LINGO2: variants seen among roughly 807,000 people sequenced by gnomAD.
LINGO2 encodes leucine rich repeat and Ig domain containing 2.
In LINGO2, 14 loss-of-function variants were observed where a neutral mutation model predicts 30.6. The ratio of observed to expected loss-of-function variants is 0.46; its 90% CI spans 0.30 to 0.72. LINGO2 has a LOEUF of 0.72. Among genes scored for constraint, LINGO2 ranks in the 30% least tolerant of loss-of-function variants. The pLI, the probability that LINGO2 is intolerant of heterozygous loss-of-function variation, is 0.07. For missense variants in LINGO2, 729 were observed against 751.7 expected (o/e 0.97, Z 0.35); for synonymous variants, 317 against 288.5 (o/e 1.10, Z -1.00).
intron 4 of LINGO2, among the ~76,000 whole-genome samples, chr9:28,041,471 A>C (rs903618426): frequency 5.3e-5 from 8 of 152,128 alleles, no homozygotes; most frequent in African/African-American, 1.7e-4. Flanking sequence ...TGTAGAATAT[A>C]GAGGGGTGCT....
intron 3 of LINGO2, among the ~76,000 whole-genome samples, chr9:28,339,513 C>A (rs571807985): frequency 2.6e-5 from 4 of 152,142 alleles, no homozygotes; most frequent in Admixed American, 2.0e-4. Flanking sequence ...TTCAGAGTTG[C>A]CTAAGTCCAG....
intron 4 of LINGO2, among the ~76,000 whole-genome samples, chr9:28,032,093 T>TG (rs984537509): frequency 6.6e-6 from 1 of 150,628 alleles, no homozygotes; most frequent in Non-Finnish European, 1.5e-5. Context: ...ACCGCAGAGC[T>TG]GGGGGGAAAA....
chr9:28,881,291 T>G, the LINGO2 span, among the ~76,000 whole-genome samples: 11 of 152,110 alleles, frequency 7.2e-5, no homozygotes, highest in South Asian at 2.3e-3. Flanking sequence ...GCCTGGCTAA[T>G]TTTTGTATTT....
At chr9:28,579,061 CTTT>C (rs34468047) in intron 1 of LINGO2, among the ~76,000 whole-genome samples, 10 of 150,136 alleles carry the variant, frequency 6.7e-5, no homozygotes, top group African/African-American at 1.5e-4. Context: ...CATAAGAGCT[CTTT>C]TTTTTTTGTT....
At chr9:28,553,870 G>A (rs1035020724) in intron 1 of LINGO2, among the ~76,000 whole-genome samples, 25 of 151,866 alleles carry the variant, frequency 1.6e-4, no homozygotes, top group African/African-American at 2.4e-4. Flanking sequence ...AAGAATTTTC[G>A]ACCCAGAATT....
intron 4 of LINGO2, among the ~76,000 whole-genome samples, chr9:28,134,521 TG>T (rs1206435326): frequency 6.6e-6 from 1 of 152,176 alleles, no homozygotes; most frequent in African/African-American, 2.4e-5. Flanking sequence ...CAGAGCCACC[TG>T]GGAGGAAGGG....
intron 2 of LINGO2, among the ~76,000 whole-genome samples, chr9:28,412,663 T>G (rs1822815178): frequency 6.6e-6 from 1 of 152,086 alleles, no homozygotes; most frequent in African/African-American, 2.4e-5. Flanking sequence ...AATAGCTCCT[T>G]GGATTTTTAA....
At chr9:28,999,170 T>C in the LINGO2 span, among the ~76,000 whole-genome samples, 2 of 152,130 alleles carry the variant, frequency 1.3e-5, no homozygotes, top group African/African-American at 2.4e-5. Flanking sequence ...GTTGTCAGTG[T>C]ACACATGGTT....
At chr9:28,055,185 ATTT>A (rs1045499704) in intron 4 of LINGO2, among the ~76,000 whole-genome samples, 6 of 152,122 alleles carry the variant, frequency 3.9e-5, no homozygotes, top group African/African-American at 1.2e-4. Flanking sequence ...AATTGGCTTA[ATTT>A]TTTAAGTTTC....
the LINGO2 span, among the ~76,000 whole-genome samples, chr9:28,991,387 G>A: frequency 1.3e-5 from 2 of 151,470 alleles, no homozygotes; most frequent in East Asian, 1.9e-4. Flanking sequence ...ATCTACGTCT[G>A]ATTGGTGTAC....
chr9:29,057,884 G>A, the LINGO2 span, among the ~76,000 whole-genome samples: 1 of 152,002 alleles, frequency 6.6e-6, no homozygotes, highest in Non-Finnish European at 1.5e-5. Flanking sequence ...AACCTAGAAA[G>A]GCCACGCCTA....
At chr9:29,151,037 A>C in the LINGO2 span, among the ~76,000 whole-genome samples, 1 of 152,136 alleles carries the variant, frequency 6.6e-6, no homozygotes, top group Non-Finnish European at 1.5e-5. Context: ...TTACAAAGTG[A>C]GTCCCATCAG....
chr9:28,540,258 G>A (rs1390608867), intron 1 of LINGO2, among the ~76,000 whole-genome samples: 2 of 136,958 alleles, frequency 1.5e-5, no homozygotes, highest in African/African-American at 5.4e-5. Flanking sequence ...CTCTCTTTCT[G>A]TCTCTCTCTC....
chr9:28,525,523 G>A (rs1820988585), intron 1 of LINGO2, among the ~76,000 whole-genome samples: 1 of 152,150 alleles, frequency 6.6e-6, no homozygotes, highest in Non-Finnish European at 1.5e-5. Context: ...CAATATGGAT[G>A]AACATTGAGA....
chr9:28,415,549 T>C (rs1822933109), intron 2 of LINGO2, among the ~76,000 whole-genome samples: 1 of 152,142 alleles, frequency 6.6e-6, no homozygotes, highest in South Asian at 2.1e-4. Flanking sequence ...TCTTCCGATC[T>C]TTTCTCCAAT....
At chr9:28,390,735 A>G (rs889447287) in intron 2 of LINGO2, among the ~76,000 whole-genome samples, 6 of 152,212 alleles carry the variant, frequency 3.9e-5, no homozygotes, top group Admixed American at 2.0e-4. Context: ...GGTAAAAGCT[A>G]TTCAATGTAG....
chr9:28,925,809 C>T, the LINGO2 span, among the ~76,000 whole-genome samples: 1 of 152,170 alleles, frequency 6.6e-6, no homozygotes, highest in South Asian at 2.1e-4. Flanking sequence ...TTCACAGAAG[C>T]TCTTGTGACT....
At chr9:28,430,054 T>A (rs1823583091) in intron 2 of LINGO2, among the ~76,000 whole-genome samples, 1 of 151,852 alleles carries the variant, frequency 6.6e-6, no homozygotes, top group African/African-American at 2.4e-5. Flanking sequence ...TCATAAGTAA[T>A]CCCTAAGATG....
intron 2 of LINGO2, among the ~76,000 whole-genome samples, chr9:28,471,637 G>A (rs1363903722): frequency 6.6e-6 from 1 of 152,036 alleles, no homozygotes; most frequent in African/African-American, 2.4e-5. Context: ...CAACAGAACA[G>A]CTAAAACAAA....
Sources: allele counts gnomAD v4.1 joint callset (sites outside exome capture counted in the v4.1 genomes callset), GRCh38; gene constraint gnomAD v4.1.1; transcripts MANE v1.5; gene names NCBI Gene and HGNC (gene_info 2026-07-23, HGNC 2026-07-21).